The following BBS5 variants were observed in gnomAD, a reference collection of about 807,000 sequenced individuals.
BBS5 encodes the protein BBSome complex member BBS5.
BBS5 carries 39 observed loss-of-function variants against 50.2 expected under a neutral mutation model. The observed-to-expected ratio is 0.78, with a 90% CI of 0.60 to 1.01. The LOEUF is 1.01. Among genes scored for constraint, BBS5 ranks in the 50% least tolerant of loss-of-function variants. BBS5 has a pLI of 0.00. For missense variants in BBS5, 356 were observed against 401.5 expected (o/e 0.89, Z 0.97); for synonymous variants, 134 against 133.1 (o/e 1.01, Z -0.05).
rs545153734 is a variant in BBS5, at chr2:169,503,274, A to C, written c.900+96A>C. On this transcript the variant is annotated intron_variant, in intron 10 of 11. Coordinates refer to ENST00000295240, the MANE Select transcript of BBS5 (RefSeq NM_152384.3). The stretch of plus-strand genomic sequence containing the variant: ...TGTGTGTGAAACACCATATAACTTG[A>C]GATTTTGATGGTGTCTTAAACCTGA... The C allele has an allele frequency of 2.0e-5, 20 of 980,508 alleles. No individual in the cohort carries two copies. In the East Asian group the frequency reaches 5.2e-4, roughly 26 times the overall value. The allele number at this position is 980,508 out of a possible 1,614,324, so 60.7% of individuals were successfully genotyped here.
rs770025341 is a variant in BBS5 at position 169,487,896 on chromosome 2, G to A, written c.258+41G>A. The A allele has an allele frequency of 9.5e-6, 15 of 1,573,034 alleles. No individual in the cohort carries two copies. The Admixed American group carries it at 2.5e-4, about 26-fold the overall frequency. ...CTTATTGCAATATATATATAGTAAAGAAACTAGATATTTGAGATTGATGTT... is the reference window on the plus strand; with the variant it reads ...CTTATTGCAATATATATATAGTAAAAAAACTAGATATTTGAGATTGATGTT... On this transcript the variant is annotated intron_variant, in intron 4 of 11. Coordinates refer to ENST00000295240, the MANE Select transcript of BBS5 (RefSeq NM_152384.3).
Position 169,479,578 on chromosome 2 carries a change from G to A in BBS5, c.25G>A (p.Glu9Lys), listed in dbSNP as rs1363954560. The part of the protein sequence containing the change: MSVLDALW[E>K]DRDVRFDLSA... The stretch of plus-strand genomic sequence containing the variant: ...CATGTCGGTGCTGGATGCGCTTTGG[G>A]AGGATCGGGATGTCCGTTTCGACCT... Residue 9 changes from glutamate to lysine, a missense_variant, in exon 1 of 12, where the codon GAG becomes AAG. By Grantham distance (56) the Glu-to-Lys change is moderately conservative (BLOSUM62 1). Coordinates refer to ENST00000295240, the MANE Select transcript of BBS5 (RefSeq NM_152384.3). The A allele has an allele frequency of 1.2e-6, 2 of 1,614,190 alleles. No individual in the cohort carries two copies. The highest frequency in any genetic ancestry group is 1.7e-6 in the Non-Finnish European group (2 of 1,180,010).
intron 1 of BBS5, 136 bp from the exon 2 acceptor site, chr2:169,482,115 C>A: frequency 1.4e-6 from 1 of 710,134 alleles, no homozygotes; most frequent in Non-Finnish European, 2.5e-6. Context: ...GACCTTATTT[C>A]TAAATGCATG....
At position 169,505,101 on chromosome 2, in the gene BBS5, C is replaced by T. The variant is rs1019222558; in HGVS notation, c.*519C>T. On this transcript the variant is annotated 3_prime_UTR_variant, in exon 12 of 12. Coordinates refer to ENST00000295240, the MANE Select transcript of BBS5 (RefSeq NM_152384.3). ...TGCCGAGTGCCTGCGATTACAGGCG[C>T]GCGCCGCCACACCTGACTGGTTTTC... 4.3e-5 allele frequency: 43 copies of T among 993,340 alleles called. No homozygotes were observed. Among genetic ancestry groups the T allele is most frequent in the Non-Finnish European group, 5.4e-5 (35 of 643,544 alleles). The allele number at this position is 993,340 out of a possible 1,614,324, so 61.5% of individuals were successfully genotyped here.
intron 5 of BBS5, among the ~76,000 whole-genome samples, chr2:169,492,667 C>T (rs1056720405): frequency 3.3e-5 from 5 of 151,986 alleles, no homozygotes; most frequent in African/African-American, 1.2e-4. Context: ...TCACTTGAGC[C>T]CAGGAGTTTG....
At position 169,493,812 on chromosome 2, in the gene BBS5, T is replaced by C. The variant is rs1683645901; in HGVS notation, c.594T>C (p.Asn198=). ...ATGCAAATATGAATGATAGTTTTAA[T>C]GTCAGTATACCATATCTGCAAATTG... ...VWHANMNDSF[N]VSIPYLQIRS... is the part of the protein sequence containing the mutation. The change falls in exon 7 of 12, where the codon AAT becomes AAC. Residue 198 remains asparagine (N), a synonymous_variant. Transcript: ENST00000295240. The C allele has an allele frequency of 6.2e-7, 1 of 1,607,094 alleles. No homozygotes were observed. The highest frequency in any genetic ancestry group is 8.5e-7 in the Non-Finnish European group (1 of 1,173,736).
intron 5 of BBS5, among the ~76,000 whole-genome samples, chr2:169,492,667 C>A (rs1056720405): frequency 6.6e-6 from 1 of 151,986 alleles, no homozygotes; most frequent in Non-Finnish European, 1.5e-5. Context: ...TCACTTGAGC[C>A]CAGGAGTTTG....
In BBS5 at chr2:169,504,957, A is replaced by G. The variant is rs1222516878; in HGVS notation, c.*375A>G. On this transcript the variant is annotated 3_prime_UTR_variant, in exon 12 of 12. Coordinates refer to ENST00000295240, the MANE Select transcript of BBS5 (RefSeq NM_152384.3). ...GAGGTCCAAAGAGGACTGGTGATCT[A>G]CGTGTGCTTTTTCAAGGGAGCTGAT... 1.2e-6 allele frequency: 2 copies of G among 1,613,544 alleles called. No individual in the cohort carries two copies. Among genetic ancestry groups the G allele is most frequent in the African/African-American group, 2.7e-5 (2 of 74,920 alleles).
chr2:169,492,530 T>C (rs1184037367), intron 5 of BBS5, among the ~76,000 whole-genome samples: 1 of 149,858 alleles, frequency 6.7e-6, no homozygotes, highest in Non-Finnish European at 1.5e-5. Flanking sequence ...AATATGTAAA[T>C]AATACACTAA....
At chr2:169,484,288 TG>T (rs779088008) in intron 2 of BBS5, among the ~76,000 whole-genome samples, 15 of 151,990 alleles carry the variant, frequency 9.9e-5, no homozygotes, top group Admixed American at 2.6e-4. Flanking sequence ...GAGGCTGAGG[TG>T]GGAGGATCAC....
intron 7 of BBS5, among the ~76,000 whole-genome samples, chr2:169,495,587 A>T (rs1287336801): frequency 6.6e-6 from 1 of 152,168 alleles, no homozygotes. Context: ...TTTCTGTCTT[A>T]CCAGCCTGTG....
In BBS5 at chr2:169,480,724, C is replaced by A. The variant is rs551494460; in HGVS notation, c.59+1112C>A. Reference sequence around the variant, plus strand: ...GAGACAGAGTTTCGCTCTTGTTGCCCAGGCTGGAGTGCAATGACGCGATCT... The same window carrying A: ...GAGACAGAGTTTCGCTCTTGTTGCCAAGGCTGGAGTGCAATGACGCGATCT... On this transcript the variant is annotated intron_variant, in intron 1 of 11. Coordinates refer to ENST00000295240, the MANE Select transcript of BBS5 (RefSeq NM_152384.3). 2.4e-5 allele frequency among the ~76,000 whole-genome samples: 3 copies of A among 126,056 alleles called. No individual in the cohort carries two copies. The South Asian group carries it at 7.6e-4, about 32-fold the overall frequency. 82.7% of individuals were successfully genotyped at this position (126,056 alleles called of 152,430 possible).
In BBS5 at chr2:169,487,790, T is replaced by G; in HGVS notation, c.209-16T>G. 2 of 1,592,556 alleles carry G rather than the reference T, an allele frequency of 1.3e-6. No individual in the cohort carries two copies. The highest frequency in any genetic ancestry group is 8.6e-7 in the Non-Finnish European group (1 of 1,161,764). On this transcript the variant is annotated splice_polypyrimidine_tract_variant and intron_variant, in intron 3 of 11. Coordinates refer to ENST00000295240, the MANE Select transcript of BBS5 (RefSeq NM_152384.3). ...ACCATATCATGCTCTTTACATTCTT[T>G]GCTTTTGGATTTTAGCTGTCGGTTA...
Position 169,493,787 on chromosome 2 carries a change from A to T in BBS5, c.569A>T (p.His190Leu). The change falls in exon 7 of 12, where the codon CAT (histidine) becomes CTT (leucine). Residue 190 changes from histidine (H) to leucine (L), a missense_variant. Transcript: ENST00000295240. ...ATTACCAATGTGAGAATTGTGTGGC[A>T]TGCAAATATGAATGATAGTTTTAAT... ...FFITNVRIVW[H>L]ANMNDSFNVS... 6.2e-7 allele frequency: 1 copy of T among 1,613,162 alleles called. No homozygotes were observed. The highest frequency in any genetic ancestry group is 2.2e-5 in the East Asian group (1 of 44,806).
rs935775385 is a variant in BBS5, at chr2:169,493,684, TAAAG to T, written c.523-54_523-51del. ...ATAAGTTATTCTGGTGATTAGAAAA[TAAAG>T]AATAGGTACCAAAAAAATGATCATT... On this transcript the variant is annotated intron_variant, in intron 6 of 11. Transcript: ENST00000295240. 1.3e-4 allele frequency: 154 copies of T among 1,213,016 alleles called. 1 individual carries two copies. Among genetic ancestry groups the T allele is most frequent in the Non-Finnish European group, 1.3e-4 (104 of 815,036 alleles). The allele number at this position is 1,213,016 out of a possible 1,614,324, so 75.1% of individuals were successfully genotyped here.
chr2:169,502,656 A>G (rs951415274), intron 9 of BBS5, among the ~76,000 whole-genome samples: 1 of 152,248 alleles, frequency 6.6e-6, no homozygotes, highest in East Asian at 1.9e-4. Flanking sequence ...GAACAAATAA[A>G]TAAGTGTTAG....
Position 169,504,586 on chromosome 2 carries a change from A to C in BBS5, c.*4A>C, listed in dbSNP as rs747477278. ...ACTTTGGGAAGTAATGAGTTGATTG[A>C]CCTTGAGTTGAGATGGATTTCTATT... On this transcript the variant is annotated 3_prime_UTR_variant, in exon 12 of 12. Transcript: ENST00000295240. 29 of 1,594,890 alleles carry C rather than the reference A, an allele frequency of 1.8e-5. No individual in the cohort carries two copies. Among genetic ancestry groups the C allele is most frequent in the Non-Finnish European group, 2.5e-5 (29 of 1,162,512 alleles).
rs1014863791 is a variant in BBS5 at position 169,505,379 on chromosome 2, C to T, written c.*797C>T. On this transcript the variant is annotated 3_prime_UTR_variant, in exon 12 of 12. Transcript: ENST00000295240. Reference sequence around the variant, plus strand: ...TGCAGCCTCTGCCCGGCCGCCACCCCGTCTGGGAAGTGAGGAGCGTCTCTG... The same window carrying T: ...TGCAGCCTCTGCCCGGCCGCCACCCTGTCTGGGAAGTGAGGAGCGTCTCTG... 152 of 348,572 alleles carry T rather than the reference C, an allele frequency of 4.4e-4. No individual in the cohort carries two copies. The highest frequency in any genetic ancestry group is 7.6e-4 in the Non-Finnish European group (137 of 180,886). The allele number at this position is 348,572 out of a possible 1,614,324, so 21.6% of individuals were successfully genotyped here.
chr2:169,487,508 T>A (rs1477810909), intron 3 of BBS5, among the ~76,000 whole-genome samples: 1 of 152,090 alleles, frequency 6.6e-6, no homozygotes, highest in Non-Finnish European at 1.5e-5. Flanking sequence ...CAGCTAGACT[T>A]GTTCTTTTTT....
Sources: gnomAD v4.1 joint callset for allele counts (sites outside exome capture counted in the v4.1 genomes callset) on GRCh38, gnomAD v4.1.1 for gene constraint, MANE v1.5 for transcripts, NCBI Gene and HGNC (gene_info 2026-07-23, HGNC 2026-07-21) for gene names.